Variants in SMARCC1 observed in about 807,000 individuals in gnomAD.
The protein encoded by SMARCC1 is SWI/SNF related BAF chromatin remodeling complex subunit C1.
A neutral mutation model predicts 147.4 loss-of-function variants in SMARCC1; 43 were observed. The observed-to-expected ratio is 0.29, with a 90% CI of 0.23 to 0.38. The LOEUF is 0.38. SMARCC1 is among the 10% of genes least tolerant of loss of function. The pLI, the probability that SMARCC1 is intolerant of heterozygous loss-of-function variation, is 1.00. For missense variants in SMARCC1, 1,119 were observed against 1,381.1 expected (o/e 0.81, Z 3.01); for synonymous variants, 495 against 484.4 (o/e 1.02, Z -0.29).
rs1413420668 is a variant in SMARCC1 at position 47,759,181 on chromosome 3, T to C, written c.316-13188A>G. Among the ~76,000 whole-genome samples, 15 of 151,572 alleles carry C rather than the reference T, an allele frequency of 9.9e-5. 1 individual carries two copies. The highest frequency in any genetic ancestry group is 9.9e-4 in the Admixed American group (15 of 15,188). On this transcript the variant is annotated intron_variant, in intron 2 of 27. Transcript: ENST00000254480. The stretch of plus-strand genomic sequence containing the variant: ...GGCCCTCCCAAACGCCTGGCTAATT[T>C]TGATATTTTTTTGTAGAGACCAGCT...
At chr3:47,719,788 T>C (rs2106808938) in intron 7 of SMARCC1, among the ~76,000 whole-genome samples, 1 of 151,936 alleles carries the variant, frequency 6.6e-6, no homozygotes. Context: ...AAGGATGGAG[T>C]GTAGTGCCAT....
intron 26 of SMARCC1, among the ~76,000 whole-genome samples, chr3:47,595,323 G>A (rs376986057): frequency 1.3e-5 from 2 of 152,084 alleles, no homozygotes; most frequent in Non-Finnish European, 2.9e-5. Context: ...TCAGGAGTTC[G>A]AGACCAGCCT....
intron 6 of SMARCC1, among the ~76,000 whole-genome samples, chr3:47,723,142 G>GT (rs1388244291): frequency 6.6e-6 from 1 of 152,070 alleles, no homozygotes; most frequent in African/African-American, 2.4e-5. Flanking sequence ...TCCTAGGCAA[G>GT]TTATTATCTT....
intron 2 of SMARCC1, among the ~76,000 whole-genome samples, chr3:47,756,834 T>C (rs1209546080): frequency 1.3e-5 from 2 of 152,164 alleles, no homozygotes; most frequent in Admixed American, 1.3e-4. Flanking sequence ...TCCTGCTGTA[T>C]ATGACAAGTA....
At chr3:47,681,093 G>T (rs1377404510) in intron 14 of SMARCC1, among the ~76,000 whole-genome samples, 1 of 151,900 alleles carries the variant, frequency 6.6e-6, no homozygotes, top group Non-Finnish European at 1.5e-5. Context: ...ATTATTTTTT[G>T]GGATAATACA....
chr3:47,764,086 G>C (rs745903340), intron 2 of SMARCC1, among the ~76,000 whole-genome samples: 6 of 152,088 alleles, frequency 3.9e-5, no homozygotes, highest in African/African-American at 7.2e-5. Context: ...TCAGGCTAGA[G>C]TGCAGCAGTA....
intron 25 of SMARCC1, among the ~76,000 whole-genome samples, chr3:47,621,476 T>TA (rs1168792807): frequency 3.3e-5 from 5 of 151,352 alleles, no homozygotes; most frequent in Admixed American, 6.6e-5. Context: ...TACACAGCAA[T>TA]AAAAAAAAGA....
At chr3:47,755,721 G>A (rs554250763) in intron 2 of SMARCC1, among the ~76,000 whole-genome samples, 1 of 151,480 alleles carries the variant, frequency 6.6e-6, no homozygotes, top group African/African-American at 2.4e-5. Context: ...GGCCAGGCGC[G>A]GTGGCTCATG....
intron 2 of SMARCC1, 40 bp downstream of exon 2, chr3:47,772,777 A>T (rs752544647): frequency 1.6e-5 from 25 of 1,572,730 alleles, no homozygotes; most frequent in Non-Finnish European, 2.2e-5. Context: ...AGTATACAGC[A>T]ACTGAGGATG....
chr3:47,655,159 T>G (rs1434370634), intron 21 of SMARCC1, among the ~76,000 whole-genome samples: 1 of 152,160 alleles, frequency 6.6e-6, no homozygotes, highest in Non-Finnish European at 1.5e-5. Flanking sequence ...GAGCACTAGG[T>G]GTTTATATGA....
intron 5 of SMARCC1, among the ~76,000 whole-genome samples, chr3:47,731,487 G>C (rs752104999): frequency 6.6e-6 from 1 of 152,120 alleles, no homozygotes; most frequent in Non-Finnish European, 1.5e-5. Context: ...CTAGAATGAT[G>C]AATCTGTTCC....
intron 6 of SMARCC1, among the ~76,000 whole-genome samples, chr3:47,725,837 G>A (rs1328532775): frequency 6.7e-6 from 1 of 148,804 alleles, no homozygotes; most frequent in Non-Finnish European, 1.5e-5. Flanking sequence ...TGGGTCGGGT[G>A]AATCACCTGA....
At chr3:47,610,042 C>T in intron 26 of SMARCC1, 24 bp downstream of exon 26, 1 of 1,609,780 alleles carries the variant, frequency 6.2e-7, no homozygotes, top group Non-Finnish European at 8.5e-7. Flanking sequence ...TAAGCTTTTT[C>T]CAAGAGCAGG....
chr3:47,638,915 AAAG>A (rs1474443368), intron 21 of SMARCC1, 135 bp from the exon 22 acceptor site: 9 of 679,324 alleles, frequency 1.3e-5, no homozygotes, highest in Non-Finnish European at 2.3e-5. Context: ...ACAGTTGAAA[AAAG>A]AAGTCAGGCA....
intron 2 of SMARCC1, among the ~76,000 whole-genome samples, chr3:47,756,880 G>T (rs2034704640): frequency 6.6e-6 from 1 of 152,112 alleles, no homozygotes; most frequent in Admixed American, 6.6e-5. Context: ...CATTATGAGA[G>T]TAAAAACATA....
chr3:47,704,792 C>T (rs2033971372), intron 10 of SMARCC1, among the ~76,000 whole-genome samples: 1 of 151,964 alleles, frequency 6.6e-6, no homozygotes, highest in African/African-American at 2.4e-5. Flanking sequence ...TATTGCGCAC[C>T]TGTAGTCTCA....
chr3:47,674,558 G>A (rs931413862), intron 18 of SMARCC1, among the ~76,000 whole-genome samples: 20 of 152,204 alleles, frequency 1.3e-4, no homozygotes, highest in African/African-American at 4.6e-4. Flanking sequence ...CACCCTCCAT[G>A]TCTGCTTTTA....
In SMARCC1 at chr3:47,638,772, C is replaced by T; in HGVS notation, c.2329G>A (p.Glu777Lys). ...GGGTCGGCTTCCATTTTTTCCTCTT[C>T]AGCTCCTTCTACAAGTAAAAGAATA... ...PDEPEKLEGA[E>K]EEKMEADPDG... The change falls in exon 22 of 28, where the codon GAA (glutamate) becomes AAA (lysine). Residue 777 changes from glutamate (E) to lysine (K), a missense_variant. Glu to Lys is a moderately conservative substitution (Grantham distance 56). Transcript: ENST00000254480. 1 of 1,611,834 alleles carries T rather than the reference C, an allele frequency of 6.2e-7. No homozygotes were observed.
chr3:47,641,815 C>T (rs1163785433), intron 21 of SMARCC1, among the ~76,000 whole-genome samples: 1 of 152,164 alleles, frequency 6.6e-6, no homozygotes, highest in East Asian at 1.9e-4. Context: ...CTCTGTAATG[C>T]AGGTTGAAGT....
Sources: allele counts gnomAD v4.1 joint callset (sites outside exome capture counted in the v4.1 genomes callset), GRCh38; gene constraint gnomAD v4.1.1; transcripts MANE v1.5; gene names NCBI Gene and HGNC (gene_info 2026-07-23, HGNC 2026-07-21).